The following CD84 variants were observed in gnomAD, a reference collection of about 807,000 sequenced individuals.
The protein encoded by CD84 is SLAM family member 5.
CD84 carries 22 observed loss-of-function variants against 33.8 expected under a neutral mutation model. The observed-to-expected ratio is 0.65, with a 90% confidence interval of 0.46 to 0.93. The LOEUF is 0.93. Among genes scored for constraint, CD84 ranks in the 40% least tolerant of loss-of-function variants. The pLI is 0.00. For synonymous variants in CD84, 154 were observed against 145.2 expected (o/e 1.06, Z -0.44); for missense variants, 400 against 397.6 (o/e 1.01, Z -0.05).
At chr1:160,579,344 A>T (rs754644036) in intron 1 of CD84, 48 bp downstream of exon 1, 4 of 1,612,230 alleles carry the variant, frequency 2.5e-6, no homozygotes, top group Non-Finnish European at 3.4e-6. Flanking sequence ...GGCAATTTTT[A>T]AAACTTTATG....
At position 160,542,484 on chromosome 1, in the gene CD84, AT is replaced by A. The variant is rs1335173827; in HGVS notation, c.*5771del. On this transcript the variant is annotated 3_prime_UTR_variant, in exon 7 of 7. Transcript: ENST00000368054. ...TCTATGCAGAGATGACCCATAAACT[AT>A]TGGAAATACAAGTTGTAAATGAAAG... 1 of 152,232 alleles carries A rather than the reference AT, an allele frequency of 6.6e-6. No homozygotes were observed. The highest frequency in any genetic ancestry group is 1.5e-5 in the Non-Finnish European group (1 of 68,036). 9.4% of individuals were successfully genotyped at this position (152,232 alleles called of 1,614,324 possible).
At chr1:160,574,483 A>G (rs193189972) in intron 1 of CD84, among the ~76,000 whole-genome samples, 80 of 152,294 alleles carry the variant, frequency 5.3e-4, no homozygotes, top group African/African-American at 1.8e-3. Context: ...GCTAAGTCAG[A>G]GGGTTCTAGT....
intron 1 of CD84, among the ~76,000 whole-genome samples, chr1:160,577,696 T>C (rs567096946): frequency 6.6e-6 from 1 of 152,296 alleles, no homozygotes; most frequent in East Asian, 1.9e-4. Context: ...TGAAAAATAG[T>C]AGCATTAGCT....
chr1:160,557,579 G>A (rs1410760255), intron 2 of CD84, among the ~76,000 whole-genome samples: 1 of 152,164 alleles, frequency 6.6e-6, no homozygotes, highest in African/African-American at 2.4e-5. Flanking sequence ...AATGGCCAAG[G>A]TGTTCTCTAT....
rs1655752240 is a variant in CD84 at position 160,545,159 on chromosome 1, A to T, written c.*3097T>A. 3 of 152,206 alleles carry T rather than the reference A, an allele frequency of 2.0e-5. No individual in the cohort carries two copies. The South Asian group carries it at 6.2e-4, about 32-fold the overall frequency. 9.4% of individuals were successfully genotyped at this position (152,206 alleles called of 1,614,324 possible). ...GACAAGAGTAGGGTGTCCTGAGTCC[A>T]AAGGCTACCTTCAGAATTCCTGGGC... On this transcript the variant is annotated 3_prime_UTR_variant, in exon 7 of 7. Coordinates refer to ENST00000368054, the MANE Select transcript of CD84 (RefSeq NM_003874.4).
chr1:160,566,334 G>A (rs2102183407), intron 1 of CD84, among the ~76,000 whole-genome samples: 1 of 152,272 alleles, frequency 6.6e-6, no homozygotes, highest in South Asian at 2.1e-4. Flanking sequence ...GTCTCTAGAA[G>A]AGTGCCTAAC....
In CD84 at chr1:160,546,968, GC is replaced by G. The variant is rs1655866523; in HGVS notation, c.*1287del. On this transcript the variant is annotated 3_prime_UTR_variant, in exon 7 of 7. Coordinates refer to ENST00000368054, the MANE Select transcript of CD84 (RefSeq NM_003874.4). ...CCTAATTGCAGCCCATTGCTGTCCA[GC>G]CTAGGACTATTCATTGGGATTTAGG... 2.5e-6 allele frequency: 1 copy of G among 395,360 alleles called. No homozygotes were observed. Among genetic ancestry groups the G allele is most frequent in the Non-Finnish European group, 4.5e-6 (1 of 224,592 alleles). The allele number at this position is 395,360 out of a possible 1,614,324, so 24.5% of individuals were successfully genotyped here. A position where few individuals can be genotyped will look rare whatever the true frequency, so the allele number is the denominator to read the frequency against.
chr1:160,570,453 C>T (rs976081435), intron 1 of CD84, among the ~76,000 whole-genome samples: 8 of 152,142 alleles, frequency 5.3e-5, no homozygotes, highest in Non-Finnish European at 1.0e-4. Context: ...GGCATAGAGC[C>T]ACCCAGAGTA....
rs545526591 is a variant in CD84, at chr1:160,573,935, A to T, written c.46+5457T>A. Among the ~76,000 whole-genome samples, 10 of 150,790 alleles carry T rather than the reference A, an allele frequency of 6.6e-5. No homozygotes were observed. The East Asian group carries it at 1.2e-3, about 18-fold the overall frequency. ...ATCCCATCTCTATGAAAAAGAAAATAAAAAAAAATTAGTCAGGCATGGTAA... is the reference window on the plus strand; with the variant it reads ...ATCCCATCTCTATGAAAAAGAAAATTAAAAAAAATTAGTCAGGCATGGTAA... On this transcript the variant is annotated intron_variant, in intron 1 of 6. Transcript: ENST00000368054.
At chr1:160,565,872 C>CA in intron 1 of CD84, 127 bp from the exon 2 acceptor site, 2 of 586,512 alleles carry the variant, frequency 3.4e-6, no homozygotes, top group Non-Finnish European at 5.6e-6. Context: ...TTGAGGATGC[C>CA]TTTTTTTTTT....
At chr1:160,567,612 C>T (rs1385836127) in intron 1 of CD84, among the ~76,000 whole-genome samples, 1 of 152,124 alleles carries the variant, frequency 6.6e-6, no homozygotes, top group Non-Finnish European at 1.5e-5. Flanking sequence ...GAGGAGCTCA[C>T]AGCCTAGAAA....
intron 1 of CD84, among the ~76,000 whole-genome samples, chr1:160,575,494 AACAC>A (rs3078967): frequency 2.5e-4 from 37 of 146,790 alleles, no homozygotes; most frequent in East Asian, 8.0e-4. Context: ...GTTCCTTCAA[AACAC>A]ACACACACAC....
intron 2 of CD84, among the ~76,000 whole-genome samples, chr1:160,563,265 T>G (rs756841105): frequency 6.6e-6 from 1 of 152,168 alleles, no homozygotes; most frequent in East Asian, 1.9e-4. Context: ...CCAAAGAATA[T>G]AAATCATTCT....
chr1:160,567,754 A>G (rs981494667), intron 1 of CD84, among the ~76,000 whole-genome samples: 4 of 152,146 alleles, frequency 2.6e-5, no homozygotes, highest in African/African-American at 9.7e-5. Context: ...TAAGAGTCAT[A>G]GTTTGCCAAA....
intron 1 of CD84, among the ~76,000 whole-genome samples, chr1:160,575,318 G>T (rs1179569212): frequency 6.6e-6 from 1 of 152,038 alleles, no homozygotes; most frequent in Admixed American, 6.6e-5. Context: ...GGAAGCACAG[G>T]GCTGGGCAGG....
chr1:160,573,928 A>G (rs892749416), intron 1 of CD84, among the ~76,000 whole-genome samples: 2 of 152,000 alleles, frequency 1.3e-5, no homozygotes, highest in Non-Finnish European at 2.9e-5. Flanking sequence ...TCTATGAAAA[A>G]GAAAATAAAA....
In CD84 at chr1:160,546,968, G is replaced by A. The variant is rs540451821; in HGVS notation, c.*1288C>T. 5.1e-6 allele frequency: 2 copies of A among 395,478 alleles called. No individual in the cohort carries two copies. Among genetic ancestry groups the A allele is most frequent in the East Asian group, 7.2e-5 (2 of 27,946 alleles). 24.5% of individuals were successfully genotyped at this position (395,478 alleles called of 1,614,324 possible). On this transcript the variant is annotated 3_prime_UTR_variant, in exon 7 of 7. Coordinates refer to ENST00000368054, the MANE Select transcript of CD84 (RefSeq NM_003874.4). Reference sequence around the variant, plus strand: ...CCTAATTGCAGCCCATTGCTGTCCAGCCTAGGACTATTCATTGGGATTTAG... The same window carrying A: ...CCTAATTGCAGCCCATTGCTGTCCAACCTAGGACTATTCATTGGGATTTAG...
chr1:160,562,107 G>T (rs1276777544), intron 2 of CD84, among the ~76,000 whole-genome samples: 1 of 152,186 alleles, frequency 6.6e-6, no homozygotes, highest in South Asian at 2.1e-4. Flanking sequence ...AACATTCCAT[G>T]CTCATGGATA....
At chr1:160,551,815 G>A (rs1656250297) in intron 4 of CD84, among the ~76,000 whole-genome samples, 1 of 152,196 alleles carries the variant, frequency 6.6e-6, no homozygotes, top group Non-Finnish European at 1.5e-5. Flanking sequence ...AAAGCGCTGG[G>A]ATTACAGGCA....
Sources: gnomAD v4.1 joint callset for allele counts (sites outside exome capture counted in the v4.1 genomes callset) on GRCh38, gnomAD v4.1.1 for gene constraint, MANE v1.5 for transcripts, NCBI Gene and HGNC (gene_info 2026-07-23, HGNC 2026-07-21) for gene names.